The following COL4A1 variants were observed in gnomAD, a reference collection of about 807,000 sequenced individuals.
The protein encoded by COL4A1 is collagen type IV alpha 1 chain, also known as collagen alpha-1(IV) chain.
A neutral mutation model predicts 216.6 loss-of-function variants in COL4A1; 40 were observed. The ratio of observed to expected loss-of-function variants is 0.18; its 90% CI spans 0.14 to 0.24. COL4A1 has a LOEUF of 0.24. Among genes scored for constraint, COL4A1 ranks in the 10% least tolerant of loss-of-function variants. The pLI, the probability that COL4A1 is intolerant of heterozygous loss-of-function variation, is 1.00. For synonymous variants in COL4A1, 839 were observed against 810.7 expected, an observed-to-expected ratio of 1.03 and a Z score of -0.59; for missense variants, 1,628 against 2,196.8, an observed-to-expected ratio of 0.74 and a Z score of 5.18.
intron 20 of COL4A1, 98 bp from the exon 21 acceptor site, chr13:110,198,729 C>T: frequency 6.6e-7 from 1 of 1,507,820 alleles, no homozygotes. Context: ...AAAAATCCAA[C>T]CAGACCATCA....
In COL4A1 at chr13:110,212,690, G is replaced by A. The variant is rs112957113; in HGVS notation, c.280-72C>T. ...TCACTTCCTCCTCCTGCATCTCCCCGGTTAATGGAGTCATGCCCTCATTTT... is the reference window on the plus strand; with the variant it reads ...TCACTTCCTCCTCCTGCATCTCCCCAGTTAATGGAGTCATGCCCTCATTTT... On this transcript the variant is annotated intron_variant, in intron 4 of 51. Coordinates refer to ENST00000375820, the MANE Select transcript of COL4A1 (RefSeq NM_001845.6). The A allele has an allele frequency of 4.4e-4, 673 of 1,543,714 alleles. 3 individuals carry two copies. The African/African-American group carries it at 7.2e-3, about 17-fold the overall frequency.
chr13:110,261,005 C>T (rs1332314136), intron 1 of COL4A1, among the ~76,000 whole-genome samples: 1 of 117,054 alleles, frequency 8.5e-6, no homozygotes, highest in East Asian at 2.8e-4. Context: ...CCACTGCGCT[C>T]CAGCCTGGGT....
At chr13:110,305,168 T>A (rs1884633873) in intron 1 of COL4A1, among the ~76,000 whole-genome samples, 1 of 152,202 alleles carries the variant, frequency 6.6e-6, no homozygotes, top group South Asian at 2.1e-4. Flanking sequence ...AATGATAATA[T>A]CTGTGAGGTC....
chr13:110,196,715 C>T (rs1426612162), intron 21 of COL4A1, among the ~76,000 whole-genome samples: 11 of 152,160 alleles, frequency 7.2e-5, no homozygotes, highest in East Asian at 5.8e-4. Flanking sequence ...CATTTTACAA[C>T]GCCTTCTCAT....
intron 50 of COL4A1, among the ~76,000 whole-genome samples, chr13:110,154,097 ATGT>A (rs1876648635): frequency 6.6e-6 from 1 of 152,248 alleles, no homozygotes; most frequent in African/African-American, 2.4e-5. Flanking sequence ...ATAATAAATA[ATGT>A]TCATCTGTGG....
chr13:110,244,199 T>C (rs192681054), intron 1 of COL4A1, among the ~76,000 whole-genome samples: 1 of 152,346 alleles, frequency 6.6e-6, no homozygotes, highest in Admixed American at 6.5e-5. Context: ...CTCAGCTGCA[T>C]TGCCATGGAG....
rs370469754 is a variant in COL4A1, at chr13:110,201,361, G to C, written c.1084+77C>G. 40 of 1,047,250 alleles carry C rather than the reference G, an allele frequency of 3.8e-5. No individual in the cohort carries two copies. In the African/African-American group the frequency reaches 4.6e-4, roughly 12 times the overall value. 64.9% of individuals were successfully genotyped at this position (1,047,250 alleles called of 1,614,324 possible). ...GGAGGAACAGGAGGAGGAGGAGGAA[G>C]AGGACGAGGAGGAGGAAGAGGAGGA... On this transcript the variant is annotated intron_variant, in intron 19 of 51. Coordinates refer to ENST00000375820, the MANE Select transcript of COL4A1 (RefSeq NM_001845.6).
rs1876399406 is a variant in COL4A1 at position 110,149,370 on chromosome 13, C to G, written c.*993G>C. 6.5e-6 allele frequency: 1 copy of G among 154,576 alleles called. No individual in the cohort carries two copies. The highest frequency in any genetic ancestry group is 2.0e-4 in the South Asian group (1 of 4,916). 9.6% of individuals were successfully genotyped at this position (154,576 alleles called of 1,614,324 possible). ...ATGAGGAATACTAATGAAATGACGG[C>G]CTTTAAGGTTGTTGCTTTTGAAGTC... On this transcript the variant is annotated 3_prime_UTR_variant, in exon 52 of 52. Transcript: ENST00000375820.
At position 110,162,374 on chromosome 13, in the gene COL4A1, G is replaced by T. The variant is rs372673590; in HGVS notation, c.4318C>A (p.Pro1440Thr). 1 of 1,614,106 alleles carries T rather than the reference G, an allele frequency of 6.2e-7. No homozygotes were observed. The highest frequency in any genetic ancestry group is 8.5e-7 in the Non-Finnish European group (1 of 1,180,040). Residue 1440 changes from proline (P) to threonine (T), a missense_variant, in exon 48 of 52, where the codon CCA becomes ACA. By Grantham distance (38) the Pro-to-Thr change is conservative. Transcript: ENST00000375820. ...LPGSMGPPGT[P>T]SVDHGFLVTR... ...ACAAGGAAGCCGTGATCAACAGATG[G>T]GGTGCCTGGGGGCCCCATGGATCCT...
chr13:110,250,371 C>G (rs1486823495), intron 1 of COL4A1, among the ~76,000 whole-genome samples: 2 of 152,140 alleles, frequency 1.3e-5, no homozygotes, highest in South Asian at 2.1e-4. Context: ...CCCAAGAAAC[C>G]ACACGCCTTG....
At chr13:110,155,231 G>A (rs1800480684) in intron 50 of COL4A1, 52 bp downstream of exon 50, 2 of 1,348,038 alleles carry the variant, frequency 1.5e-6, no homozygotes, top group Admixed American at 1.7e-5. Context: ...GGCGACTATG[G>A]GGCGTGAGTG....
intron 2 of COL4A1, among the ~76,000 whole-genome samples, chr13:110,221,813 G>A (rs560612607): frequency 1.1e-3 from 173 of 152,136 alleles, no homozygotes; most frequent in African/African-American, 3.9e-3. Flanking sequence ...GTCCCCCAGA[G>A]CAGTCAGATT....
At chr13:110,159,317 A>G (rs770081760) in intron 49 of COL4A1, among the ~76,000 whole-genome samples, 58 of 152,220 alleles carry the variant, frequency 3.8e-4, no homozygotes, top group Non-Finnish European at 7.1e-4. Context: ...ATAAATCTGT[A>G]TAATTTTATG....
chr13:110,240,794 C>T (rs1462067544), intron 2 of COL4A1, among the ~76,000 whole-genome samples: 2 of 152,216 alleles, frequency 1.3e-5, no homozygotes, highest in African/African-American at 4.8e-5. Context: ...TATCATTCTC[C>T]CTTGTCATGT....
chr13:110,283,595 C>T (rs1164547482), intron 1 of COL4A1, among the ~76,000 whole-genome samples: 3 of 152,360 alleles, frequency 2.0e-5, no homozygotes, highest in East Asian at 3.9e-4. Context: ...TACACTCCCT[C>T]ACATACAGGC....
Position 110,210,072 on chromosome 13 carries a change from G to C in COL4A1, c.553-30C>G, listed in dbSNP as rs1411709028. ...AATGCATGAGAAAGAAATGAGTTCA[G>C]ATGCGAACTGGGAGGGTGAGGTGGC... is the stretch of plus-strand genomic sequence containing the variant. On this transcript the variant is annotated intron_variant, in intron 9 of 51. Coordinates refer to ENST00000375820, the MANE Select transcript of COL4A1 (RefSeq NM_001845.6). 6 of 1,613,676 alleles carry C rather than the reference G, an allele frequency of 3.7e-6. No individual in the cohort carries two copies. The African/African-American group carries it at 5.3e-5, about 14-fold the overall frequency.
At chr13:110,290,885 C>T (rs1453680556) in intron 1 of COL4A1, among the ~76,000 whole-genome samples, 1 of 152,228 alleles carries the variant, frequency 6.6e-6, no homozygotes, top group Non-Finnish European at 1.5e-5. Flanking sequence ...CACTCTGCTA[C>T]TCTCTTTGCC....
intron 2 of COL4A1, among the ~76,000 whole-genome samples, chr13:110,234,600 A>G (rs1004255710): frequency 1.3e-5 from 2 of 152,128 alleles, no homozygotes; most frequent in Non-Finnish European, 2.9e-5. Flanking sequence ...AAAAGAAAAA[A>G]ACAGGGGGGC....
chr13:110,212,125 C>A (rs1382726378), intron 6 of COL4A1, among the ~76,000 whole-genome samples: 1 of 152,030 alleles, frequency 6.6e-6, no homozygotes, highest in African/African-American at 2.4e-5. Context: ...GGACAAAGGC[C>A]CATAATGGCA....
Sources: allele counts gnomAD v4.1 joint callset (sites outside exome capture counted in the v4.1 genomes callset), GRCh38; gene constraint gnomAD v4.1.1; transcripts MANE v1.5; gene names NCBI Gene and HGNC (gene_info 2026-07-23, HGNC 2026-07-21).